PTPRT: variants seen among roughly 807,000 people sequenced by gnomAD.
PTPRT encodes the protein receptor-type tyrosine-protein phosphatase T.
PTPRT carries 56 observed loss-of-function variants against 176.8 expected under a neutral mutation model. The observed-to-expected ratio is 0.32, with a 90% CI of 0.26 to 0.40. The LOEUF (loss-of-function observed/expected upper bound fraction) is 0.40. Ranked by LOEUF, PTPRT falls within the 10% of genes least tolerant of loss-of-function variation. The pLI, the probability that PTPRT is intolerant of heterozygous loss-of-function variation, is 1.00. For synonymous variants in PTPRT, 783 were observed against 739.0 expected (o/e 1.06, Z -0.96); for missense variants, 1,540 against 1,908.2 (o/e 0.81, Z 3.60).
chr20:42,331,864 A>G (rs764095193), intron 11 of PTPRT, among the ~76,000 whole-genome samples: 2 of 152,202 alleles, frequency 1.3e-5, no homozygotes, highest in Non-Finnish European at 2.9e-5. Context: ...ATTCTGTAAC[A>G]CTGACATAAT....
intron 6 of PTPRT, among the ~76,000 whole-genome samples, chr20:42,721,200 T>C (rs2076297284): frequency 6.6e-6 from 1 of 152,172 alleles, no homozygotes. Context: ...AGGGACAGGA[T>C]GCCTGGAAAT....
At chr20:42,613,198 C>T (rs1051428233) in intron 7 of PTPRT, among the ~76,000 whole-genome samples, 5 of 152,220 alleles carry the variant, frequency 3.3e-5, no homozygotes, top group East Asian at 1.9e-4. Flanking sequence ...ACATAATTTA[C>T]AGCCCAATGG....
chr20:42,856,330 C>T (rs950260317), intron 2 of PTPRT, among the ~76,000 whole-genome samples: 21 of 152,200 alleles, frequency 1.4e-4, no homozygotes, highest in African/African-American at 4.8e-4. Flanking sequence ...TAACTGCCCC[C>T]ACTGATATAG....
Position 43,138,664 on chromosome 20 carries a change from C to G in PTPRT, c.88+50982G>C, listed in dbSNP as rs369076034. On this transcript the variant is annotated intron_variant, in intron 1 of 30. Coordinates refer to ENST00000373187, the MANE Select transcript of PTPRT (RefSeq NM_007050.6). The stretch of plus-strand genomic sequence containing the variant: ...GACCACAGAACCCCCTCACCTGTGA[C>G]GGGGTCACTCGCATCTCCGCCCACT... Among the ~76,000 whole-genome samples, 3 of 152,254 alleles carry G rather than the reference C, an allele frequency of 2.0e-5. No individual in the cohort carries two copies. In the East Asian group the frequency reaches 5.8e-4, roughly 29 times the overall value.
chr20:42,250,762 T>C (rs1393134687), intron 13 of PTPRT, among the ~76,000 whole-genome samples: 1 of 152,222 alleles, frequency 6.6e-6, no homozygotes, highest in Non-Finnish European at 1.5e-5. Flanking sequence ...TATTTTGCCA[T>C]TGAGTGGCCA....
intron 7 of PTPRT, among the ~76,000 whole-genome samples, chr20:42,582,235 A>G (rs1215684738): frequency 6.6e-6 from 1 of 152,046 alleles, no homozygotes; most frequent in Non-Finnish European, 1.5e-5. Context: ...TGGGGTGTGA[A>G]GGAGCTCCTG....
chr20:42,369,064 C>T lies in PTPRT; in HGVS notation c.1561-16779G>A, dbSNP rs936749275. Among the ~76,000 whole-genome samples the T allele has an allele frequency of 2.6e-5, 4 of 151,124 alleles. No homozygotes were observed. In the East Asian group the frequency reaches 7.8e-4, roughly 29 times the overall value. ...TCTCCCCTTCCCTCCTTCCTTCCTCCCTTCTTTCTCTCCTTCCCTCCTTCC... is the reference window on the plus strand; with the variant it reads ...TCTCCCCTTCCCTCCTTCCTTCCTCTCTTCTTTCTCTCCTTCCCTCCTTCC... On this transcript the variant is annotated intron_variant, in intron 9 of 30. Transcript: ENST00000373187.
At chr20:42,916,427 A>C (rs376489838) in intron 1 of PTPRT, among the ~76,000 whole-genome samples, 1 of 152,114 alleles carries the variant, frequency 6.6e-6, no homozygotes, top group Non-Finnish European at 1.5e-5. Flanking sequence ...ATAAACATAC[A>C]TGTGCATGTG....
At chr20:42,567,424 G>C (rs1364551698) in intron 7 of PTPRT, among the ~76,000 whole-genome samples, 1 of 152,164 alleles carries the variant, frequency 6.6e-6, no homozygotes, top group Non-Finnish European at 1.5e-5. Flanking sequence ...AAAGCTCCTA[G>C]TCACATTTTA....
At chr20:42,752,698 C>T (rs1029631390) in intron 6 of PTPRT, among the ~76,000 whole-genome samples, 1 of 152,160 alleles carries the variant, frequency 6.6e-6, no homozygotes, top group African/African-American at 2.4e-5. Flanking sequence ...AGGATTAATG[C>T]TTTTCCCTTG....
chr20:42,108,072 G>T (rs1373439501), intron 23 of PTPRT, among the ~76,000 whole-genome samples: 1 of 152,072 alleles, frequency 6.6e-6, no homozygotes, highest in African/African-American at 2.4e-5. Context: ...TTTCTTCAAT[G>T]TTCATATTCA....
At chr20:42,198,195 G>C (rs1181251759) in intron 16 of PTPRT, among the ~76,000 whole-genome samples, 3 of 152,170 alleles carry the variant, frequency 2.0e-5, no homozygotes, top group East Asian at 3.9e-4. Context: ...GAGATGGCTG[G>C]CCAAACACAC....
intron 23 of PTPRT, among the ~76,000 whole-genome samples, chr20:42,109,831 T>C (rs1986849686): frequency 6.6e-6 from 1 of 151,940 alleles, no homozygotes. Context: ...CCCTGGTGAC[T>C]GACTTCTTCA....
chr20:43,045,455 ATT>A (rs143406929), intron 1 of PTPRT, among the ~76,000 whole-genome samples: 15 of 127,188 alleles, frequency 1.2e-4, no homozygotes, highest in Non-Finnish European at 1.3e-4. Context: ...TCTTTTTTTC[ATT>A]TTTTTTTTTT....
intron 7 of PTPRT, among the ~76,000 whole-genome samples, chr20:42,544,376 T>G (rs905930806): frequency 6.6e-6 from 1 of 152,226 alleles, no homozygotes; most frequent in Admixed American, 6.5e-5. Flanking sequence ...CTGCTGGCTC[T>G]AAAATTTTCT....
intron 15 of PTPRT, among the ~76,000 whole-genome samples, chr20:42,215,584 C>T (rs2055749267): frequency 7.4e-6 from 1 of 135,830 alleles, no homozygotes; most frequent in Admixed American, 7.4e-5. Flanking sequence ...TCTTTCCTCC[C>T]TGTAGTTTCA....
At chr20:42,274,716 C>T (rs761921500) in intron 13 of PTPRT, among the ~76,000 whole-genome samples, 4 of 152,052 alleles carry the variant, frequency 2.6e-5, no homozygotes, top group Admixed American at 6.6e-5. Flanking sequence ...GGCCCTGGAG[C>T]AGACAACCCT....
the PTPRT span, among the ~76,000 whole-genome samples, chr20:42,066,760 G>T: frequency 0.81 from 123,640 of 152,144 alleles, 50,718 homozygotes; most frequent in African/African-American, 0.91. Context: ...CATGATTGTT[G>T]ATGATATCCT....
chr20:42,306,433 G>A (rs2057545765), intron 12 of PTPRT, among the ~76,000 whole-genome samples: 1 of 152,182 alleles, frequency 6.6e-6, no homozygotes, highest in African/African-American at 2.4e-5. Flanking sequence ...TGGAACCTAG[G>A]CTCTGGTGAC....
Sources: gnomAD v4.1 joint callset for allele counts (sites outside exome capture counted in the v4.1 genomes callset) on GRCh38, gnomAD v4.1.1 for gene constraint, MANE v1.5 for transcripts, NCBI Gene and HGNC (gene_info 2026-07-23, HGNC 2026-07-21) for gene names.